Variants in SGCD observed in about 807,000 individuals in gnomAD.
The protein encoded by SGCD is sarcoglycan delta, also known as delta-sarcoglycan.
A neutral mutation model predicts 36.6 loss-of-function variants in SGCD; 18 were observed. The observed-to-expected ratio is 0.49, with a 90% CI of 0.34 to 0.73. SGCD has a LOEUF of 0.73. Ranked by LOEUF, SGCD falls within the 30% of genes least tolerant of loss-of-function variation. SGCD has a pLI of 0.01. For synonymous variants in SGCD, 133 were observed against 130.6 expected (o/e 1.02, Z -0.12); for missense variants, 387 against 346.7 (o/e 1.12, Z -0.92).
chr5:156,033,858 T>A (rs1759421259), intron 1 of SGCD, among the ~76,000 whole-genome samples: 1 of 152,186 alleles, frequency 6.6e-6, no homozygotes, highest in African/African-American at 2.4e-5. Context: ...TCTGAACCTC[T>A]TTTTACTGGC....
At chr5:156,268,564 CTCCTTCCTTCCTTCCT>C (rs57057008) in intron 3 of SGCD, among the ~76,000 whole-genome samples, 8 of 149,576 alleles carry the variant, frequency 5.3e-5, no homozygotes, top group South Asian at 2.1e-4. Flanking sequence ...TTTTGATTTG[CTCCTTCCTTCCTTCCT>C]TCCTTCCTTC....
intron 3 of SGCD, among the ~76,000 whole-genome samples, chr5:156,277,585 TCA>T (rs1766349793): frequency 6.6e-6 from 1 of 152,146 alleles, no homozygotes; most frequent in African/African-American, 2.4e-5. Context: ...AAATGATAGA[TCA>T]GTTTACTCTT....
intron 1 of SGCD, among the ~76,000 whole-genome samples, chr5:155,983,822 A>C (rs764704119): frequency 6.6e-5 from 10 of 152,336 alleles, no homozygotes; most frequent in Admixed American, 5.9e-4. Flanking sequence ...AGTAATCCCT[A>C]TGATTGTGGC....
intron 1 of SGCD, among the ~76,000 whole-genome samples, chr5:155,995,929 C>T (rs1462181450): frequency 2.2e-5 from 3 of 137,364 alleles, no homozygotes; most frequent in African/African-American, 5.6e-5. Context: ...ATGTATTTAT[C>T]TGTCAAAACT....
At chr5:156,043,878 C>T (rs1392854612) in intron 1 of SGCD, among the ~76,000 whole-genome samples, 1 of 152,130 alleles carries the variant, frequency 6.6e-6, no homozygotes, top group African/African-American at 2.4e-5. Context: ...AAAGGCAAAT[C>T]CCAAATCTGT....
chr5:156,445,264 A>G (rs553535159), intron 3 of SGCD, among the ~76,000 whole-genome samples: 10 of 152,204 alleles, frequency 6.6e-5, no homozygotes, highest in Middle Eastern at 6.8e-3. Flanking sequence ...TTGATCCCCA[A>G]TGTTGGCTTT....
At chr5:156,336,833 G>T (rs977444138) in intron 2 of SGCD, among the ~76,000 whole-genome samples, 1 of 151,988 alleles carries the variant, frequency 6.6e-6, no homozygotes, top group African/African-American at 2.4e-5. Context: ...ATTTGTTTTC[G>T]GTAAAAGTTT....
intron 1 of SGCD, among the ~76,000 whole-genome samples, chr5:155,873,401 C>G (rs1755701397): frequency 6.6e-6 from 1 of 152,102 alleles, no homozygotes; most frequent in South Asian, 2.1e-4. Flanking sequence ...AACTCATTAT[C>G]TTAAGTGAAG....
chr5:155,977,874 T>A (rs1263732602), intron 1 of SGCD, among the ~76,000 whole-genome samples: 1 of 152,120 alleles, frequency 6.6e-6, no homozygotes, highest in African/African-American at 2.4e-5. Flanking sequence ...GGTGGGCAGA[T>A]CACGAGGTCA....
intron 1 of SGCD, among the ~76,000 whole-genome samples, chr5:156,032,045 T>C (rs1759358514): frequency 6.6e-6 from 1 of 152,200 alleles, no homozygotes; most frequent in Non-Finnish European, 1.5e-5. Context: ...GCTGCTTACA[T>C]ATCAGTGTGT....
chr5:155,899,551 C>T (rs1014259055), intron 1 of SGCD, among the ~76,000 whole-genome samples: 1 of 152,072 alleles, frequency 6.6e-6, no homozygotes, highest in African/African-American at 2.4e-5. Flanking sequence ...GTGTTTCTTC[C>T]CATGTGCTGG....
At chr5:156,396,992 G>A (rs1771891224) in intron 3 of SGCD, among the ~76,000 whole-genome samples, 1 of 152,202 alleles carries the variant, frequency 6.6e-6, no homozygotes, top group African/African-American at 2.4e-5. Flanking sequence ...GCATAAAAAG[G>A]GCTTTACAGA....
intron 1 of SGCD, among the ~76,000 whole-genome samples, chr5:155,895,674 C>T (rs1756234819): frequency 7.8e-6 from 1 of 128,230 alleles, no homozygotes; most frequent in African/African-American, 2.7e-5. Flanking sequence ...TGTATGATTT[C>T]TTGTAATGGC....
the SGCD span, among the ~76,000 whole-genome samples, chr5:155,753,060 G>A: frequency 5.9e-5 from 9 of 152,074 alleles, no homozygotes; most frequent in African/African-American, 2.2e-4. Context: ...GATCTCGGCC[G>A]GGCGCAGTGG....
At chr5:156,323,065 T>A (rs1439063801), upstream of SGCD, among the ~76,000 whole-genome samples, 1 of 152,192 alleles carries the variant, frequency 6.6e-6, no homozygotes, top group Non-Finnish European at 1.5e-5. Context: ...GATTCTAATA[T>A]AAATCTAGGC....
rs570248299 is a variant in SGCD at position 156,291,644 on chromosome 5, C to T, written c.-43-37890C>T. On this transcript the variant is annotated intron_variant, in intron 3 of 9. Coordinates refer to the SGCD transcript ENST00000517913. Reference sequence around the variant, plus strand: ...ATCTTAACCTTTTTTTTCCTACTCTCTAAAGGGAAGGGAGAAACTAGCTAT... The same window carrying T: ...ATCTTAACCTTTTTTTTCCTACTCTTTAAAGGGAAGGGAGAAACTAGCTAT... Among the ~76,000 whole-genome samples, 3 of 152,048 alleles carry T rather than the reference C, an allele frequency of 2.0e-5. No homozygotes were observed. The South Asian group carries it at 6.2e-4, about 32-fold the overall frequency.
At chr5:156,374,136 A>C (rs868706336) in intron 3 of SGCD, among the ~76,000 whole-genome samples, 2 of 131,532 alleles carry the variant, frequency 1.5e-5, no homozygotes, top group Non-Finnish European at 3.2e-5. Context: ...GAGCTAAGAA[A>C]ATGTTCAAAA....
intron 3 of SGCD, among the ~76,000 whole-genome samples, chr5:156,274,754 G>T (rs534667179): frequency 1.4e-4 from 22 of 152,228 alleles, no homozygotes; most frequent in Admixed American, 9.2e-4. Context: ...CTTCTATACT[G>T]CTTTGCTCAG....
At chr5:156,441,927 A>C (rs946083030) in intron 3 of SGCD, among the ~76,000 whole-genome samples, 1 of 152,104 alleles carries the variant, frequency 6.6e-6, no homozygotes, top group Non-Finnish European at 1.5e-5. Context: ...GTGACTGTGC[A>C]CTCACTGTCA....
Sources: allele counts gnomAD v4.1 joint callset (sites outside exome capture counted in the v4.1 genomes callset), GRCh38; gene constraint gnomAD v4.1.1; transcripts MANE v1.5; gene names NCBI Gene and HGNC (gene_info 2026-07-23, HGNC 2026-07-21).